Variants in GPR158 observed in about 807,000 individuals in gnomAD.
GPR158 encodes the protein G protein-coupled receptor 158.
Under a neutral mutation model 78.2 loss-of-function variants are expected in GPR158, and 30 were observed. The observed-to-expected ratio is 0.38, with a 90% CI of 0.29 to 0.52. The LOEUF is 0.52. Among genes scored for constraint, GPR158 ranks in the 20% least tolerant of loss-of-function variants. GPR158 has a pLI of 0.83. For synonymous variants in GPR158, 581 were observed against 591.1 expected (o/e 0.98, Z 0.25); for missense variants, 1,463 against 1,523.5 (o/e 0.96, Z 0.66).
intron 2 of GPR158, among the ~76,000 whole-genome samples, chr10:25,275,071 T>C (rs1854166280): frequency 6.6e-6 from 1 of 152,214 alleles, no homozygotes; most frequent in African/African-American, 2.4e-5. Context: ...GAATTCTGAT[T>C]ATATAGCCTG....
At chr10:25,475,372 C>T (rs906952692) in intron 5 of GPR158, 2 of 152,090 alleles carry the variant, frequency 1.3e-5, no homozygotes, top group Non-Finnish European at 2.9e-5. Flanking sequence ...TCTTTCAGAA[C>T]GTAAATTCTT....
chr10:25,327,767 A>G (rs1855057261), intron 2 of GPR158, among the ~76,000 whole-genome samples: 1 of 152,246 alleles, frequency 6.6e-6, no homozygotes, highest in South Asian at 2.1e-4. Context: ...AATTATAAAA[A>G]GGTTAAAAGA....
At chr10:25,320,466 G>A (rs1262154415) in intron 2 of GPR158, among the ~76,000 whole-genome samples, 1 of 152,214 alleles carries the variant, frequency 6.6e-6, no homozygotes, top group Non-Finnish European at 1.5e-5. Context: ...CAGCTGGGCT[G>A]TTCGCTTGTT....
intron 5 of GPR158, among the ~76,000 whole-genome samples, chr10:25,477,136 A>G (rs1180777134): frequency 6.6e-6 from 1 of 152,074 alleles, no homozygotes; most frequent in Non-Finnish European, 1.5e-5. Flanking sequence ...TTTGCGATGT[A>G]GAAAAAACCC....
intron 5 of GPR158, among the ~76,000 whole-genome samples, chr10:25,537,848 G>T (rs1836520185): frequency 6.6e-6 from 1 of 152,074 alleles, no homozygotes; most frequent in Non-Finnish European, 1.5e-5. Context: ...TGCCATGTAA[G>T]ATGTGCCTGC....
chr10:25,446,276 TAC>T (rs1835137576), intron 4 of GPR158, among the ~76,000 whole-genome samples: 1 of 152,184 alleles, frequency 6.6e-6, no homozygotes, highest in Admixed American at 6.5e-5. Flanking sequence ...TTAAAATAAG[TAC>T]TCAGTTCTAT....
At chr10:25,554,104 G>A (rs10828822) in intron 6 of GPR158, among the ~76,000 whole-genome samples, 14,391 of 152,108 alleles carry the variant, frequency 0.095, 1,356 homozygotes, top group East Asian at 0.47. Flanking sequence ...CCCATTGAAG[G>A]GAAAGCTAAA....
chr10:25,409,516 A>AT (rs1273110915), intron 3 of GPR158, among the ~76,000 whole-genome samples: 3 of 152,066 alleles, frequency 2.0e-5, no homozygotes, highest in Non-Finnish European at 2.9e-5. Context: ...TGGCTGCCAC[A>AT]TTTTTTCTAC....
intron 2 of GPR158, among the ~76,000 whole-genome samples, chr10:25,285,955 A>C (rs182934224): frequency 6.6e-6 from 1 of 152,108 alleles, no homozygotes; most frequent in East Asian, 1.9e-4. Flanking sequence ...GTGGCATTCC[A>C]TTGTCTTCTG....
At chr10:25,463,356 G>A (rs1320826155) in intron 4 of GPR158, among the ~76,000 whole-genome samples, 1 of 152,040 alleles carries the variant, frequency 6.6e-6, no homozygotes, top group Non-Finnish European at 1.5e-5. Flanking sequence ...ATTTATTGCT[G>A]TGGTCTGAAA....
At chr10:25,353,194 ATTTTT>A (rs745516785) in intron 2 of GPR158, among the ~76,000 whole-genome samples, 2 of 152,002 alleles carry the variant, frequency 1.3e-5, no homozygotes, top group African/African-American at 2.4e-5. Context: ...TGAAAATCCA[ATTTTT>A]TATTTAATAG....
intron 4 of GPR158, among the ~76,000 whole-genome samples, chr10:25,461,175 T>C (rs1455495944): frequency 6.6e-6 from 1 of 152,198 alleles, no homozygotes; most frequent in Admixed American, 6.5e-5. Flanking sequence ...AAGAGTCACA[T>C]ATCACTCACT....
chr10:25,508,717 G>T (rs1240507152), intron 5 of GPR158, among the ~76,000 whole-genome samples: 2 of 152,110 alleles, frequency 1.3e-5, no homozygotes, highest in African/African-American at 4.8e-5. Flanking sequence ...GAAACTCCTG[G>T]TTCAAGCTGT....
At chr10:25,362,768 G>T (rs1287641147) in intron 2 of GPR158, among the ~76,000 whole-genome samples, 1 of 151,822 alleles carries the variant, frequency 6.6e-6, no homozygotes, top group Non-Finnish European at 1.5e-5. Flanking sequence ...AAATGTAACT[G>T]ATTTCTGTGT....
chr10:25,520,840 G>T (rs1315804889), intron 5 of GPR158, among the ~76,000 whole-genome samples: 7 of 152,226 alleles, frequency 4.6e-5, no homozygotes, highest in Non-Finnish European at 8.8e-5. Context: ...CCTGCCCCCA[G>T]AGGTGGAGCC....
rs1041780953 is a variant in GPR158, at chr10:25,228,505, A to G, written c.1008+7348A>G. Among the ~76,000 whole-genome samples the G allele has an allele frequency of 2.6e-5, 4 of 152,314 alleles. No homozygotes were observed. The South Asian group carries it at 8.3e-4, about 32-fold the overall frequency. On this transcript the variant is annotated intron_variant, in intron 2 of 10. Transcript: ENST00000376351. ...ATGAATACTGTTCATTCCTTGATGT[A>G]GAATGATGTTCATTATATATTTTAA... is the stretch of plus-strand genomic sequence containing the variant.
intron 2 of GPR158, among the ~76,000 whole-genome samples, chr10:25,238,133 C>T (rs1265432951): frequency 6.6e-6 from 1 of 151,914 alleles, no homozygotes; most frequent in Non-Finnish European, 1.5e-5. Flanking sequence ...AAGCTAGATG[C>T]TCTCATTTCC....
intron 2 of GPR158, among the ~76,000 whole-genome samples, chr10:25,239,305 A>G (rs1156414034): frequency 6.6e-6 from 1 of 152,090 alleles, no homozygotes; most frequent in Non-Finnish European, 1.5e-5. Flanking sequence ...ACCAGCTGTG[A>G]TTAAAACAAT....
intron 4 of GPR158, among the ~76,000 whole-genome samples, chr10:25,414,786 G>A (rs1350086891): frequency 6.6e-6 from 1 of 152,016 alleles, no homozygotes; most frequent in East Asian, 1.9e-4. Flanking sequence ...TGATAATTAA[G>A]AGAACAAAGC....
Sources: gnomAD v4.1 joint callset for allele counts (sites outside exome capture counted in the v4.1 genomes callset) on GRCh38, gnomAD v4.1.1 for gene constraint, MANE v1.5 for transcripts, NCBI Gene and HGNC (gene_info 2026-07-23, HGNC 2026-07-21) for gene names.